VMP1: variants seen among roughly 807,000 people sequenced by gnomAD.
VMP1 encodes the protein vacuole membrane protein 1.
In VMP1, 11 loss-of-function variants were observed where a neutral mutation model predicts 56.0. That is an observed-to-expected ratio of 0.20 (90% CI 0.12 to 0.32). VMP1 has a LOEUF of 0.32. Among genes scored for constraint, VMP1 ranks in the 10% least tolerant of loss-of-function variants. VMP1 has a pLI of 1.00. For missense variants in VMP1, 296 were observed against 490.3 expected (o/e 0.60, Z 3.74); for synonymous variants, 149 against 165.0 (o/e 0.90, Z 0.74).
chr17:59,789,875 T>C (rs2037162016), intron 7 of VMP1, among the ~76,000 whole-genome samples: 1 of 123,534 alleles, frequency 8.1e-6, no homozygotes, highest in East Asian at 2.7e-4. Context: ...AGTCTCCCTC[T>C]GTCACCCAGA....
chr17:59,828,344 A>G lies in VMP1; in HGVS notation c.975-9951A>G, dbSNP rs555043260. ...TGCTAAATCTCCAAAAGCTAGGGCAATTGCAGATTATTTTGTGATAAAATA... is the reference window on the plus strand; with the variant it reads ...TGCTAAATCTCCAAAAGCTAGGGCAGTTGCAGATTATTTTGTGATAAAATA... On this transcript the variant is annotated intron_variant, in intron 10 of 11. Coordinates refer to ENST00000262291, the MANE Select transcript of VMP1 (RefSeq NM_030938.5). 5.9e-5 allele frequency among the ~76,000 whole-genome samples: 9 copies of G among 152,328 alleles called. No homozygotes were observed. In the East Asian group the frequency reaches 1.2e-3, roughly 20 times the overall value.
chr17:59,822,141 C>T (rs1162524841), intron 10 of VMP1, among the ~76,000 whole-genome samples: 1 of 152,038 alleles, frequency 6.6e-6, no homozygotes, highest in African/African-American at 2.4e-5. Flanking sequence ...TGTGCCCGGC[C>T]ATTCTTTTCT....
Position 59,816,660 on chromosome 17 carries a change from C to T in VMP1, c.913-1052C>T, listed in dbSNP as rs535367050. On this transcript the variant is annotated intron_variant, in intron 9 of 11. Transcript: ENST00000262291. ...CTCTACTAAAAATACAAAAAATTAG[C>T]CGGGCATGGTGGCGGGCGCCTGTAG... Among the ~76,000 whole-genome samples the T allele has an allele frequency of 2.6e-5, 4 of 151,494 alleles. No individual in the cohort carries two copies. The East Asian group carries it at 5.9e-4, about 22-fold the overall frequency.
At chr17:59,719,617 T>C (rs1321593015) in intron 1 of VMP1, among the ~76,000 whole-genome samples, 4 of 152,232 alleles carry the variant, frequency 2.6e-5, no homozygotes, top group Non-Finnish European at 2.9e-5. Context: ...ATAACTCTTA[T>C]GTTACTCAGG....
chr17:59,824,253 A>G (rs150581172), intron 10 of VMP1, among the ~76,000 whole-genome samples: 13,209 of 114,576 alleles, frequency 0.12, 774 homozygotes, highest in Middle Eastern at 0.23. Flanking sequence ...TCTGTCTCCA[A>G]AAAAAAAAAA....
At chr17:59,809,483 A>C (rs916489254) in intron 8 of VMP1, among the ~76,000 whole-genome samples, 1 of 92,770 alleles carries the variant, frequency 1.1e-5, no homozygotes, top group African/African-American at 5.0e-5. Flanking sequence ...ACACCCAGCT[A>C]ATTTTTTTTT....
intron 9 of VMP1, among the ~76,000 whole-genome samples, chr17:59,812,337 C>G (rs1279040886): frequency 6.6e-6 from 1 of 151,974 alleles, no homozygotes; most frequent in Admixed American, 6.6e-5. Flanking sequence ...TCTGAAGAGG[C>G]GAGGAGATGT....
At chr17:59,826,484 A>C (rs1488751831) in intron 10 of VMP1, among the ~76,000 whole-genome samples, 1 of 152,208 alleles carries the variant, frequency 6.6e-6, no homozygotes, top group Non-Finnish European at 1.5e-5. Flanking sequence ...CAGATGAATT[A>C]ATTCATTCAT....
chr17:59,720,203 G>T (rs1239424954), intron 1 of VMP1, among the ~76,000 whole-genome samples: 1 of 152,164 alleles, frequency 6.6e-6, no homozygotes, highest in African/African-American at 2.4e-5. Context: ...CACTGACATT[G>T]TATCATCACA....
intron 7 of VMP1, among the ~76,000 whole-genome samples, chr17:59,780,005 A>G (rs922401166): frequency 2.6e-5 from 4 of 151,968 alleles, no homozygotes; most frequent in Non-Finnish European, 5.9e-5. Flanking sequence ...TTATCTATCT[A>G]CTGTTGGGGT....
chr17:59,796,373 A>G (rs550982265), intron 7 of VMP1, among the ~76,000 whole-genome samples: 1 of 152,310 alleles, frequency 6.6e-6, no homozygotes, highest in East Asian at 1.9e-4. Flanking sequence ...CTCAACTTCT[A>G]CAATATTTGG....
chr17:59,819,745 C>T (rs2144267162), intron 10 of VMP1, among the ~76,000 whole-genome samples: 1 of 152,346 alleles, frequency 6.6e-6, no homozygotes, highest in East Asian at 1.9e-4. Context: ...AGCCTCCGCT[C>T]CCAACCCCTT....
intron 1 of VMP1, among the ~76,000 whole-genome samples, chr17:59,713,834 A>G (rs543949857): frequency 1.3e-5 from 2 of 151,872 alleles, no homozygotes; most frequent in African/African-American, 2.4e-5. Context: ...TGAGGTCAAG[A>G]GTTCAAGATC....
chr17:59,772,107 C>T (rs2036448408), intron 6 of VMP1, among the ~76,000 whole-genome samples: 1 of 151,912 alleles, frequency 6.6e-6, no homozygotes, highest in South Asian at 2.1e-4. Flanking sequence ...TCTCATGCCT[C>T]AGCCTCCCAG....
At position 59,789,835 on chromosome 17, in the gene VMP1, C is replaced by CTTTTTTTT. The variant is rs754631557; in HGVS notation, c.714+15965_714+15972dup. On this transcript the variant is annotated intron_variant, in intron 7 of 11. Transcript: ENST00000262291. ...TTCCTTCCTTCCTTTCTTTCTTTCCCTTTTTTTTTTTTTTTTTTTTTTGAG... is the reference window on the plus strand; with the variant it reads ...TTCCTTCCTTCCTTTCTTTCTTTCCCTTTTTTTTTTTTTTTTTTTTTTTTTTTTTTGAG... Among the ~76,000 whole-genome samples the CTTTTTTTT allele has an allele frequency of 0.02, 1,749 of 85,972 alleles. 211 individuals carry two copies. The East Asian group carries it at 0.26, about 13-fold the overall frequency. 56.4% of individuals were successfully genotyped at this position (85,972 alleles called of 152,430 possible). A position where few individuals can be genotyped will look rare whatever the true frequency, so the allele number is the denominator to read the frequency against.
intron 5 of VMP1, among the ~76,000 whole-genome samples, chr17:59,751,693 G>A (rs1351696114): frequency 7.3e-6 from 1 of 137,692 alleles, no homozygotes; most frequent in African/African-American, 2.7e-5. Context: ...GCAGTGAGCC[G>A]AGATTGCGCC....
chr17:59,755,329 C>T (rs1024266680), intron 5 of VMP1, among the ~76,000 whole-genome samples: 4 of 151,948 alleles, frequency 2.6e-5, no homozygotes, highest in East Asian at 1.9e-4. Context: ...AGGCTGGTCT[C>T]GAACTCCTGA....
chr17:59,725,993 A>T (rs1203329814), intron 1 of VMP1, among the ~76,000 whole-genome samples: 1 of 152,170 alleles, frequency 6.6e-6, no homozygotes, highest in African/African-American at 2.4e-5. Context: ...GGAAAGAGTA[A>T]ATAGGGGCAA....
chr17:59,769,854 T>C (rs2036363301), intron 6 of VMP1, among the ~76,000 whole-genome samples: 2 of 152,220 alleles, frequency 1.3e-5, no homozygotes, highest in African/African-American at 4.8e-5. Context: ...TATACAAATA[T>C]ATATTTGAAT....
Sources: gnomAD v4.1 joint callset for allele counts (sites outside exome capture counted in the v4.1 genomes callset) on GRCh38, gnomAD v4.1.1 for gene constraint, MANE v1.5 for transcripts, NCBI Gene and HGNC (gene_info 2026-07-23, HGNC 2026-07-21) for gene names.